The following MEIOB variants were observed in gnomAD, a reference collection of about 807,000 sequenced individuals.
MEIOB encodes meiosis-specific with OB domain-containing protein.
In MEIOB, 50 loss-of-function variants were observed where a neutral mutation model predicts 53.1. The ratio of observed to expected loss-of-function variants is 0.94; its 90% confidence interval spans 0.75 to 1.19. The LOEUF (loss-of-function observed/expected upper bound fraction) is 1.19. MEIOB is among the 50% of genes most tolerant of loss of function. MEIOB has a pLI of 0.00. For synonymous variants in MEIOB, 192 were observed against 182.5 expected (o/e 1.05, Z -0.42); for missense variants, 551 against 550.8 (o/e 1.00, Z 0.00).
At position 1,834,186 on chromosome 16, in the gene MEIOB, AAATT is replaced by A. The variant is rs1204098940; in HGVS notation, c.*66_*69del. On this transcript the variant is annotated 3_prime_UTR_variant, in exon 14 of 14. Transcript: ENST00000325962. ...AAATGCAATTTTCCCCATAATTTTC[AAATT>A]AATATTCCATTTTAAAGGGAGTTAA... 4 of 810,152 alleles carry A rather than the reference AAATT, an allele frequency of 4.9e-6. No homozygotes were observed. The highest frequency in any genetic ancestry group is 1.7e-5 in the African/African-American group (1 of 57,328). 50.2% of individuals were successfully genotyped at this position (810,152 alleles called of 1,614,324 possible).
At chr16:1,870,514 T>C (rs1354205707) in intron 1 of MEIOB, among the ~76,000 whole-genome samples, 1 of 152,240 alleles carries the variant, frequency 6.6e-6, no homozygotes, top group Non-Finnish European at 1.5e-5. Context: ...GCAACACCAC[T>C]AGTTTGTAGT....
intron 13 of MEIOB, among the ~76,000 whole-genome samples, chr16:1,834,947 C>G (rs868108535): frequency 1.4e-5 from 2 of 143,668 alleles, no homozygotes; most frequent in African/African-American, 5.2e-5. Context: ...CCCACCCCCC[C>G]CCACTAAAAA....
chr16:1,844,523 T>C (rs1898985321), intron 10 of MEIOB, among the ~76,000 whole-genome samples: 1 of 150,914 alleles, frequency 6.6e-6, no homozygotes, highest in Non-Finnish European at 1.5e-5. Context: ...TCACCCAGGC[T>C]GGATCTCAGC....
At position 1,862,012 on chromosome 16, in the gene MEIOB, A is replaced by C. The variant is rs1314267932; in HGVS notation, c.232T>G (p.Ser78Ala). ...CAGTCACCAACCCTAAAGCTGTCAG[A>C]AAGAGACTTGATGTAATCTTCATTG... ...WGNEDYIKSL[S>A]DSFRVGDCVI... The change falls in exon 4 of 14, where the codon TCT (serine) becomes GCT (alanine). Residue 78 changes from serine to alanine, a missense_variant. By Grantham distance (99) the Ser-to-Ala change is moderately conservative (BLOSUM62 1). Transcript: ENST00000325962. The C allele has an allele frequency of 6.4e-7, 1 of 1,551,468 alleles. No individual in the cohort carries two copies.
intron 11 of MEIOB, chr16:1,840,906 G>C (rs1276167280): frequency 6.6e-6 from 1 of 151,008 alleles, no homozygotes; most frequent in Non-Finnish European, 1.5e-5. Context: ...TGAAAATTCA[G>C]TTATAAAAAT....
At chr16:1,845,775 G>A (rs1293652535) in intron 9 of MEIOB, among the ~76,000 whole-genome samples, 1 of 152,172 alleles carries the variant, frequency 6.6e-6, no homozygotes, top group Non-Finnish European at 1.5e-5. Context: ...AAGGGTCAGG[G>A]GTGCTGTGCC....
At chr16:1,860,552 T>C in intron 4 of MEIOB, 77 bp from the exon 5 acceptor site, 1 of 833,914 alleles carries the variant, frequency 1.2e-6, no homozygotes, top group Non-Finnish European at 1.9e-6. Flanking sequence ...TAACATCCTG[T>C]TTAATTTATG....
Position 1,867,568 on chromosome 16 carries a change from C to T in MEIOB, c.69+539G>A, listed in dbSNP as rs1010289106. 6.2e-5 allele frequency among the ~76,000 whole-genome samples: 9 copies of T among 145,650 alleles called. No individual in the cohort carries two copies. The East Asian group carries it at 1.9e-3, about 30-fold the overall frequency. On this transcript the variant is annotated intron_variant, in intron 2 of 13. Transcript: ENST00000325962. The stretch of plus-strand genomic sequence containing the variant: ...TCGGCTCACTGAGACCGCCTTCTGG[C>T]TTCAAGCGATTCTCCTGCCTCAGCC...
chr16:1,851,385 T>A (rs1899169160), intron 9 of MEIOB, among the ~76,000 whole-genome samples: 1 of 152,180 alleles, frequency 6.6e-6, no homozygotes, highest in Non-Finnish European at 1.5e-5. Context: ...GCTCTCTAGG[T>A]CCTCCTGACT....
intron 6 of MEIOB, among the ~76,000 whole-genome samples, chr16:1,856,274 G>A (rs1455957126): frequency 6.6e-6 from 1 of 150,570 alleles, no homozygotes; most frequent in African/African-American, 2.4e-5. Context: ...TCCTGACTCA[G>A]CCTCCCAAGT....
intron 1 of MEIOB, among the ~76,000 whole-genome samples, chr16:1,868,542 CAAA>C (rs1899651644): frequency 6.6e-6 from 1 of 150,404 alleles, no homozygotes; most frequent in African/African-American, 2.5e-5. Context: ...ATAAATAAAA[CAAA>C]ATAAAATAAA....
intron 11 of MEIOB, chr16:1,840,087 A>G (rs571872819): frequency 6.6e-6 from 1 of 152,308 alleles, no homozygotes; most frequent in African/African-American, 2.4e-5. Flanking sequence ...ACTAATTCAA[A>G]TTTCTCAAAT....
chr16:1,854,971 C>T lies in MEIOB; in HGVS notation c.529-771G>A, dbSNP rs905669923. On this transcript the variant is annotated intron_variant, in intron 6 of 13. Transcript: ENST00000325962. ...CAGTCACTGGCCACCCCCACCTCTG[C>T]CACCACTGCATCTGTGGTGCCCAGA... 2.0e-5 allele frequency among the ~76,000 whole-genome samples: 3 copies of T among 152,186 alleles called. No homozygotes were observed. In the East Asian group the frequency reaches 5.8e-4, roughly 29 times the overall value.
intron 9 of MEIOB, among the ~76,000 whole-genome samples, chr16:1,850,785 G>C (rs1899150755): frequency 1.3e-5 from 2 of 150,642 alleles, no homozygotes; most frequent in East Asian, 4.0e-4. Context: ...GCCAGGCATG[G>C]TGGCGGGCGC....
chr16:1,853,106 A>G lies in MEIOB; in HGVS notation c.711T>C (p.Asn237=). The G allele has an allele frequency of 6.2e-7, 1 of 1,612,686 alleles. No individual in the cohort carries two copies. Among genetic ancestry groups the G allele is most frequent in the Non-Finnish European group, 8.5e-7 (1 of 1,179,052 alleles). The change falls in exon 9 of 14, where the codon AAT becomes AAC. Residue 237 remains asparagine, a synonymous_variant. Transcript: ENST00000325962. ...TCATGCAGTTCCGAAATTTGTCAAA[A>G]TTTATTCTTACATCTGAGGCAAATA... ...TVIFASDVRI[N]FDKFRNCMTA...
chr16:1,867,516 C>A (rs1899625916), intron 2 of MEIOB, among the ~76,000 whole-genome samples: 1 of 117,078 alleles, frequency 8.5e-6, no homozygotes, highest in Non-Finnish European at 1.6e-5. Context: ...GCTCTTGTTG[C>A]CCAGGCTGGA....
rs1460103399 is a variant in MEIOB, at chr16:1,861,500, C to A, written c.259+485G>T. Among the ~76,000 whole-genome samples the A allele has an allele frequency of 1.8e-4, 26 of 147,906 alleles. No individual in the cohort carries two copies. In the Admixed American group the frequency reaches 1.8e-3, roughly 10 times the overall value. ...AAAATATAACTATCACATTTGTATG[C>A]TTCAAATAACATTCTGAATGCCTCG... On this transcript the variant is annotated intron_variant, in intron 4 of 13. Transcript: ENST00000325962.
chr16:1,844,928 G>A lies in MEIOB; in HGVS notation c.814C>T (p.Arg272Ter), dbSNP rs35694423. 1.5e-5 allele frequency: 23 copies of A among 1,551,330 alleles called. No homozygotes were observed. The highest frequency in any genetic ancestry group is 5.4e-5 in the African/African-American group (4 of 73,408). Reference protein sequence around the residue: ...PEANILLNFIRENKETNVLDD... With the variant: ...PEANILLNFI Reference sequence around the variant, plus strand: ...AGAACATTCGTTTCTTTATTTTCTCGTATAAAATTCAGCAGAATGTTAGCT... The same window carrying A: ...AGAACATTCGTTTCTTTATTTTCTCATATAAAATTCAGCAGAATGTTAGCT... Residue 272 changes from arginine to a stop codon, truncating the protein, a stop_gained, in exon 10 of 14, where the codon CGA becomes TGA. Coordinates refer to ENST00000325962, the MANE Select transcript of MEIOB (RefSeq NM_001163560.3). LOFTEE classifies it high-confidence loss of function.
chr16:1,865,502 CAT>C (rs1226584156), intron 3 of MEIOB, among the ~76,000 whole-genome samples: 1 of 122,740 alleles, frequency 8.1e-6, no homozygotes. Context: ...CATACACACA[CAT>C]ACACATGCAC....
Sources: gnomAD v4.1 joint callset for allele counts (sites outside exome capture counted in the v4.1 genomes callset) on GRCh38, gnomAD v4.1.1 for gene constraint, MANE v1.5 for transcripts, NCBI Gene and HGNC (gene_info 2026-07-23, HGNC 2026-07-21) for gene names.